Variants in NIT2 observed in about 807,000 individuals in gnomAD.
NIT2 encodes omega-amidase NIT2.
A neutral mutation model predicts 42.7 loss-of-function variants in NIT2; 46 were observed. That is an observed-to-expected ratio of 1.08 (90% CI 0.85 to 1.38). The LOEUF (loss-of-function observed/expected upper bound fraction) is 1.38, where lower values mean the gene tolerates loss of function less well. NIT2 is among the 40% of genes most tolerant of loss of function. The pLI is 0.00. For synonymous variants in NIT2, 123 were observed against 121.9 expected, an observed-to-expected ratio of 1.01 and a Z score of -0.06; for missense variants, 309 against 342.5, an observed-to-expected ratio of 0.90 and a Z score of 0.77.
intron 2 of NIT2, among the ~76,000 whole-genome samples, 184 bp downstream of exon 2, chr3:100,339,389 C>T (rs768108783): frequency 2.0e-5 from 3 of 152,228 alleles, no homozygotes; most frequent in African/African-American, 4.8e-5. Context: ...TGTGCCAACA[C>T]GGTCATAGGT....
rs1315724764 is a variant in NIT2, at chr3:100,355,176, G to A, written c.740-1G>A. Reference sequence around the variant, plus strand: ...ATAGTGCACTTTCCTGTTTTTTGCAGACCTGAAGAAGCTGGCTGAAATACG... The same window carrying A: ...ATAGTGCACTTTCCTGTTTTTTGCAAACCTGAAGAAGCTGGCTGAAATACG... On this transcript the variant is annotated splice_acceptor_variant, in intron 9 of 9. Coordinates refer to ENST00000394140, the MANE Select transcript of NIT2 (RefSeq NM_020202.5). LOFTEE classifies it high-confidence loss of function. 1 of 1,613,420 alleles carries A rather than the reference G, an allele frequency of 6.2e-7. No individual in the cohort carries two copies. Among genetic ancestry groups the A allele is most frequent in the Admixed American group, 1.7e-5 (1 of 59,942 alleles).
At position 100,334,808 on chromosome 3, in the gene NIT2, G is replaced by A. The variant is rs368643471; in HGVS notation, c.7+10G>A. The A allele has an allele frequency of 1.2e-4, 158 of 1,301,750 alleles. No individual in the cohort carries two copies. The African/African-American group carries it at 2.1e-3, about 18-fold the overall frequency. The allele number at this position is 1,301,750 out of a possible 1,614,324, so 80.6% of individuals were successfully genotyped here. A position where few individuals can be genotyped will look rare whatever the true frequency, so the allele number is the denominator to read the frequency against. The stretch of plus-strand genomic sequence containing the variant: ...TGCAGAGTCATGACCTGTAAGTGGC[G>A]CGGCCGCGCGCTGCAGCTCGAGTTC... On this transcript the variant is annotated intron_variant, in intron 1 of 9. Coordinates refer to ENST00000394140, the MANE Select transcript of NIT2 (RefSeq NM_020202.5).
chr3:100,341,046 A>C (rs770635998), intron 3 of NIT2, 27 bp from the exon 4 acceptor site: 1 of 1,474,732 alleles, frequency 6.8e-7, no homozygotes, highest in East Asian at 2.3e-5. Flanking sequence ...TCTTTTTCTT[A>C]TGGTATGTTT....
chr3:100,347,804 A>C (rs1706232762), intron 6 of NIT2, among the ~76,000 whole-genome samples: 1 of 152,216 alleles, frequency 6.6e-6, no homozygotes, highest in South Asian at 2.1e-4. Flanking sequence ...GATTTATTGC[A>C]AAGTGAAAAG....
chr3:100,352,443 T>G lies in NIT2; in HGVS notation c.624T>G (p.Pro208=). The G allele has an allele frequency of 6.2e-7, 1 of 1,613,570 alleles. No individual in the cohort carries two copies. Among genetic ancestry groups the G allele is most frequent in the African/African-American group, 1.3e-5 (1 of 75,052 alleles). The stretch of plus-strand genomic sequence containing the variant: ...AGGTGTATGTGGCCACAGCCTCTCC[T>G]GCCCGGGATGACAAAGCCTCCTATG... The part of the protein sequence containing the change: ...DNQVYVATAS[P]ARDDKASYVA... Residue 208 remains proline, a synonymous_variant, in exon 8 of 10, where the codon CCT becomes CCG. Transcript: ENST00000394140.
intron 4 of NIT2, among the ~76,000 whole-genome samples, chr3:100,342,565 C>T (rs1706168507): frequency 6.7e-6 from 1 of 149,176 alleles, no homozygotes; most frequent in Non-Finnish European, 1.5e-5. Context: ...TCATATGCAT[C>T]CTTAACTTTT....
At chr3:100,338,415 G>A (rs1270549905) in intron 1 of NIT2, among the ~76,000 whole-genome samples, 1 of 152,216 alleles carries the variant, frequency 6.6e-6, no homozygotes, top group South Asian at 2.1e-4. Context: ...TTTTAGAGGT[G>A]CCTGGGACCC....
chr3:100,354,738 T>G, intron 8 of NIT2, 34 bp from the exon 9 acceptor site: 1 of 1,565,958 alleles, frequency 6.4e-7, no homozygotes, highest in Non-Finnish European at 8.7e-7. Flanking sequence ...CAAACATCAG[T>G]GAATCCACTC....
At position 100,355,909 on chromosome 3, in the gene NIT2, A is replaced by G. The variant is rs538152785; in HGVS notation, c.*641A>G. 6.6e-6 allele frequency: 1 copy of G among 152,342 alleles called. No individual in the cohort carries two copies. The highest frequency in any genetic ancestry group is 1.9e-4 in the East Asian group (1 of 5,192). The allele number at this position is 152,342 out of a possible 1,614,324, so 9.4% of individuals were successfully genotyped here. A position where few individuals can be genotyped will look rare whatever the true frequency, so the allele number is the denominator to read the frequency against. ...TGGCATTTAGTGAAGACAATTTAGT[A>G]TGAATGTCTGCAAAAGATTTTTTTG... is the stretch of plus-strand genomic sequence containing the variant. On this transcript the variant is annotated 3_prime_UTR_variant, in exon 10 of 10. Transcript: ENST00000394140.
intron 7 of NIT2, among the ~76,000 whole-genome samples, chr3:100,350,233 T>C (rs1301163042): frequency 2.0e-5 from 3 of 152,150 alleles, no homozygotes; most frequent in Non-Finnish European, 4.4e-5. Flanking sequence ...TAAGATGCCA[T>C]GAGTATCAGT....
At chr3:100,335,148 G>A in intron 1 of NIT2, 1 of 344,758 alleles carries the variant, frequency 2.9e-6, no homozygotes, top group Non-Finnish European at 5.9e-6. Flanking sequence ...TTCAAGTTGC[G>A]TGACCTCCTC....
intron 4 of NIT2, among the ~76,000 whole-genome samples, chr3:100,341,569 C>T (rs1706154217): frequency 6.6e-6 from 1 of 151,896 alleles, no homozygotes; most frequent in African/African-American, 2.4e-5. Flanking sequence ...TTGGTTTCAC[C>T]GTGTTAGCCA....
chr3:100,338,950 G>T (rs909184147), intron 1 of NIT2, 137 bp from the exon 2 acceptor site: 1 of 703,890 alleles, frequency 1.4e-6, no homozygotes, highest in Non-Finnish European at 2.6e-6. Flanking sequence ...CTCATCAGTT[G>T]TGGCATCAAA....
rs1356710057 is a variant in NIT2, at chr3:100,358,080, TTTG to T, written c.*2815_*2817del. On this transcript the variant is annotated 3_prime_UTR_variant, in exon 10 of 10. Coordinates refer to ENST00000394140, the MANE Select transcript of NIT2 (RefSeq NM_020202.5). ...AGACGTGAGCCACGGCACCCAGCCT[TTTG>T]TTTGTTTTTGTTTTTATGTATTTCA... The T allele has an allele frequency of 6.6e-6, 1 of 152,194 alleles. No homozygotes were observed. Among genetic ancestry groups the T allele is most frequent in the Non-Finnish European group, 1.5e-5 (1 of 68,032 alleles). The allele number at this position is 152,194 out of a possible 1,614,324, so 9.4% of individuals were successfully genotyped here.
At chr3:100,345,898 G>A (rs933658260) in intron 5 of NIT2, 7 of 595,746 alleles carry the variant, frequency 1.2e-5, no homozygotes, top group Middle Eastern at 8.9e-4. Flanking sequence ...TTCCTGTTAC[G>A]GCTTCCAGAG....
At chr3:100,337,455 A>C (rs1272426430) in intron 1 of NIT2, among the ~76,000 whole-genome samples, 1 of 151,938 alleles carries the variant, frequency 6.6e-6, no homozygotes, top group East Asian at 1.9e-4. Context: ...TTATTTATTT[A>C]TTTATTTATT....
chr3:100,353,886 C>T (rs1706298825), intron 8 of NIT2, among the ~76,000 whole-genome samples: 1 of 151,636 alleles, frequency 6.6e-6, no homozygotes, highest in East Asian at 1.9e-4. Context: ...GAGCCATTCT[C>T]CTGCCTCAGC....
intron 1 of NIT2, among the ~76,000 whole-genome samples, chr3:100,336,198 A>G (rs1025139525): frequency 1.3e-5 from 2 of 152,286 alleles, no homozygotes; most frequent in Admixed American, 6.5e-5. Context: ...AGGGTTTGTC[A>G]TTGTTGCCTT....
At chr3:100,337,572 G>A (rs1409839666) in intron 1 of NIT2, among the ~76,000 whole-genome samples, 1 of 152,142 alleles carries the variant, frequency 6.6e-6, no homozygotes, top group Non-Finnish European at 1.5e-5. Flanking sequence ...TCCTGCCTCA[G>A]CCTCCTGAGT....
Sources: allele counts gnomAD v4.1 joint callset (sites outside exome capture counted in the v4.1 genomes callset), GRCh38; gene constraint gnomAD v4.1.1; transcripts MANE v1.5; gene names NCBI Gene and HGNC (gene_info 2026-07-23, HGNC 2026-07-21).